Variants in SFMBT1 observed in about 807,000 individuals in gnomAD.
SFMBT1 encodes scm-like with four MBT domains protein 1.
A neutral mutation model predicts 108.7 loss-of-function variants in SFMBT1; 32 were observed. The ratio of observed to expected loss-of-function variants is 0.29; its 90% CI spans 0.22 to 0.40. The LOEUF is 0.40. SFMBT1 is among the 10% of genes least tolerant of loss of function. SFMBT1 has a pLI of 1.00. For synonymous variants in SFMBT1, 348 were observed against 369.5 expected (o/e 0.94, Z 0.67); for missense variants, 816 against 1,059.6 (o/e 0.77, Z 3.19).
At chr3:53,015,700 T>C (rs1699102067) in intron 1 of SFMBT1, among the ~76,000 whole-genome samples, 1 of 152,232 alleles carries the variant, frequency 6.6e-6, no homozygotes, top group South Asian at 2.1e-4. Context: ...TATTATATGA[T>C]ATCATTTACA....
chr3:52,996,989 A>G (rs1418974366), intron 1 of SFMBT1, among the ~76,000 whole-genome samples: 1 of 149,896 alleles, frequency 6.7e-6, no homozygotes, highest in Admixed American at 6.7e-5. Context: ...GAATAGCTTG[A>G]ACCTGGGAGG....
At chr3:52,984,022 CAGG>C (rs1704817944) in intron 1 of SFMBT1, among the ~76,000 whole-genome samples, 1 of 152,126 alleles carries the variant, frequency 6.6e-6, no homozygotes, top group African/African-American at 2.4e-5. Context: ...AGGTCTAGGA[CAGG>C]AGAAGTGAAA....
chr3:52,926,352 A>G (rs888769465), intron 9 of SFMBT1, among the ~76,000 whole-genome samples: 3 of 152,210 alleles, frequency 2.0e-5, no homozygotes, highest in African/African-American at 7.2e-5. Flanking sequence ...TAAACTTTCA[A>G]ATTTCAAACT....
At chr3:52,943,633 T>G in intron 3 of SFMBT1, 40 bp from the exon 4 acceptor site, 1 of 1,613,662 alleles carries the variant, frequency 6.2e-7, no homozygotes, top group South Asian at 1.1e-5. Context: ...ACAAGTATCT[T>G]AAATGAGTAT....
intron 1 of SFMBT1, among the ~76,000 whole-genome samples, chr3:52,997,334 G>A (rs1422609071): frequency 6.7e-6 from 1 of 149,640 alleles, no homozygotes; most frequent in African/African-American, 2.4e-5. Flanking sequence ...TCAGGAGATC[G>A]GTACCATCCT....
chr3:53,012,257 G>A (rs889042653), intron 1 of SFMBT1, among the ~76,000 whole-genome samples: 23 of 152,190 alleles, frequency 1.5e-4, no homozygotes, highest in Non-Finnish European at 2.6e-4. Context: ...GGTGGAAGCC[G>A]AGGCTACGAT....
intron 3 of SFMBT1, among the ~76,000 whole-genome samples, chr3:52,944,927 C>T (rs1385338680): frequency 1.3e-5 from 2 of 151,842 alleles, no homozygotes; most frequent in Admixed American, 6.6e-5. Flanking sequence ...CATCAGCCTC[C>T]TGAGTAGCTG....
chr3:53,037,224 G>A (rs72965366), intron 1 of SFMBT1, among the ~76,000 whole-genome samples: 6,919 of 152,242 alleles, frequency 0.045, 458 homozygotes, highest in South Asian at 0.18. Flanking sequence ...AGAAAAGGAA[G>A]ACTCTCCCTA....
intron 1 of SFMBT1, among the ~76,000 whole-genome samples, chr3:52,995,689 T>G (rs1186922462): frequency 6.7e-6 from 1 of 150,176 alleles, no homozygotes; most frequent in Non-Finnish European, 1.5e-5. Flanking sequence ...TGTGAGCTAT[T>G]GCACCCAGCC....
chr3:53,007,006 T>C (rs1698768879), intron 1 of SFMBT1, among the ~76,000 whole-genome samples: 1 of 152,192 alleles, frequency 6.6e-6, no homozygotes, highest in Non-Finnish European at 1.5e-5. Flanking sequence ...TGAATTTTGT[T>C]TGCCTTTGTA....
chr3:53,037,102 C>T (rs1225389551), intron 1 of SFMBT1, among the ~76,000 whole-genome samples: 2 of 152,166 alleles, frequency 1.3e-5, no homozygotes, highest in Non-Finnish European at 2.9e-5. Flanking sequence ...AATAGAAAGC[C>T]AAAAACAGGA....
At chr3:53,009,882 C>T (rs1209055714) in intron 1 of SFMBT1, among the ~76,000 whole-genome samples, 4 of 151,984 alleles carry the variant, frequency 2.6e-5, no homozygotes, top group African/African-American at 9.7e-5. Flanking sequence ...AATGGATTAT[C>T]ATAAAGGTTT....
At chr3:52,923,872 G>C (rs1702583224) in intron 10 of SFMBT1, among the ~76,000 whole-genome samples, 1 of 151,888 alleles carries the variant, frequency 6.6e-6, no homozygotes, top group African/African-American at 2.4e-5. Flanking sequence ...TGAAGGTCCA[G>C]AAAGAAAGTG....
At chr3:52,975,229 ATTG>A (rs1704478164) in intron 1 of SFMBT1, among the ~76,000 whole-genome samples, 1 of 152,210 alleles carries the variant, frequency 6.6e-6, no homozygotes, top group Non-Finnish European at 1.5e-5. Flanking sequence ...ACAATGAGAA[ATTG>A]TTAAGTAAAA....
chr3:52,943,322 C>T (rs760753348), intron 4 of SFMBT1, 31 bp downstream of exon 4: 18 of 1,613,272 alleles, frequency 1.1e-5, no homozygotes, highest in Admixed American at 1.7e-5. Flanking sequence ...AGTAAAATCA[C>T]GTCACGTCTT....
chr3:52,926,539 A>G (rs1032521585), intron 9 of SFMBT1, among the ~76,000 whole-genome samples: 1 of 152,266 alleles, frequency 6.6e-6, no homozygotes, highest in African/African-American at 2.4e-5. Flanking sequence ...TAATCTGCAA[A>G]GACGAAGACT....
intron 1 of SFMBT1, among the ~76,000 whole-genome samples, chr3:53,029,048 CT>C (rs1420390359): frequency 6.6e-6 from 1 of 151,968 alleles, no homozygotes; most frequent in Non-Finnish European, 1.5e-5. Flanking sequence ...TGGCGGGCGC[CT>C]GTAGTCCCAG....
At chr3:53,014,465 C>T (rs1371526492) in intron 1 of SFMBT1, among the ~76,000 whole-genome samples, 1 of 145,288 alleles carries the variant, frequency 6.9e-6, no homozygotes, top group Non-Finnish European at 1.5e-5. Flanking sequence ...GTGAGAGACC[C>T]TGTATTTAAA....
At position 52,956,576 on chromosome 3, in the gene SFMBT1, T is replaced by C. The variant is rs190972253; in HGVS notation, c.29-2165A>G. 2.3e-3 allele frequency among the ~76,000 whole-genome samples: 346 copies of C among 152,130 alleles called. 1 individual carries two copies. Among genetic ancestry groups the C allele is most frequent in the African/African-American group, 7.3e-3 (304 of 41,510 alleles). On this transcript the variant is annotated intron_variant, in intron 2 of 20. Coordinates refer to ENST00000394752, the MANE Select transcript of SFMBT1 (RefSeq NM_016329.4). ...GAGTTTGAGACCAGCCTGGCCAACATGGTGAAATCCCATCTCTACCAAAAA... is the reference window on the plus strand; with the variant it reads ...GAGTTTGAGACCAGCCTGGCCAACACGGTGAAATCCCATCTCTACCAAAAA...
Sources: gnomAD v4.1 joint callset for allele counts (sites outside exome capture counted in the v4.1 genomes callset) on GRCh38, gnomAD v4.1.1 for gene constraint, MANE v1.5 for transcripts, NCBI Gene and HGNC (gene_info 2026-07-23, HGNC 2026-07-21) for gene names.